ODF2L: variants seen among roughly 807,000 people sequenced by gnomAD.
The protein encoded by ODF2L is protein BCAP.
In ODF2L, 76 loss-of-function variants were observed where a neutral mutation model predicts 86.3. That is an observed-to-expected ratio of 0.88 (90% CI 0.73 to 1.07). The LOEUF (loss-of-function observed/expected upper bound fraction) is 1.07, where lower values mean the gene tolerates loss of function less well. Ranked by LOEUF, ODF2L falls within the 50% of genes least tolerant of loss-of-function variation. The pLI, the probability that ODF2L is intolerant of heterozygous loss-of-function variation, is 0.00. For synonymous variants in ODF2L, 241 were observed against 231.3 expected (o/e 1.04, Z -0.38); for missense variants, 748 against 717.4 (o/e 1.04, Z -0.49).
chr1:86,368,497 C>A, intron 11 of ODF2L: 1 of 651,990 alleles, frequency 1.5e-6, no homozygotes, highest in Non-Finnish European at 2.2e-6. Context: ...TTAAAACTAG[C>A]TCCTCAAAGA....
intron 16 of ODF2L, among the ~76,000 whole-genome samples, 186 bp from the exon 16 acceptor site, chr1:86,353,170 T>C (rs1658276852): frequency 6.6e-6 from 1 of 152,202 alleles, no homozygotes; most frequent in South Asian, 2.1e-4. Context: ...TTCGCAGCAC[T>C]AAATATCTGC....
chr1:86,394,525 T>A (rs550292744), intron 1 of ODF2L, among the ~76,000 whole-genome samples: 2 of 152,160 alleles, frequency 1.3e-5, no homozygotes, highest in African/African-American at 4.8e-5. Flanking sequence ...ATAAGTTCAA[T>A]TTAGATTCAA....
intron 8 of ODF2L, among the ~76,000 whole-genome samples, chr1:86,375,806 G>A (rs1384219989): frequency 6.6e-6 from 1 of 152,114 alleles, no homozygotes; most frequent in African/African-American, 2.4e-5. Context: ...TAAAAGACTA[G>A]CTCTGTGGTT....
chr1:86,382,844 T>A (rs1660681854), intron 6 of ODF2L, 87 bp downstream of exon 6: 2 of 725,622 alleles, frequency 2.8e-6, no homozygotes, highest in Non-Finnish European at 5.0e-6. Context: ...CTGTGTTTAT[T>A]TCTGAGGAGT....
At chr1:86,357,637 T>C (rs1658689615) in intron 13 of ODF2L, 2 of 271,368 alleles carry the variant, frequency 7.4e-6, no homozygotes, top group Non-Finnish European at 1.1e-5. Flanking sequence ...ATGTCTGTTT[T>C]AAGGACACTG....
At chr1:86,352,230 T>C in intron 17 of ODF2L, 1 of 1,489,304 alleles carries the variant, frequency 6.7e-7, no homozygotes, top group Non-Finnish European at 9.0e-7. Context: ...ACAGTATCAT[T>C]ATTCTCTATG....
At chr1:86,350,125 A>G (rs1296722709) in exon 18 of ODF2L, 1 of 264,978 alleles carries the variant, frequency 3.8e-6, no homozygotes, top group East Asian at 1.8e-4. Context: ...TTTTTATTAT[A>G]CTTTAAGTTC....
At chr1:86,378,287 C>T (rs184872541) in intron 7 of ODF2L, among the ~76,000 whole-genome samples, 480 of 152,302 alleles carry the variant, frequency 3.2e-3, no homozygotes, top group Non-Finnish European at 4.9e-3. Flanking sequence ...TCAGCCAGGA[C>T]TTCATTGTCC....
chr1:86,382,284 A>G, exon 7 of ODF2L: 1 of 1,612,096 alleles, frequency 6.2e-7, no homozygotes, highest in Non-Finnish European at 8.5e-7. Context: ...CTTCCCTTTT[A>G]TGAATTTGGA....
At chr1:86,348,640 T>C, downstream of ODF2L, 2 of 990,152 alleles carry the variant, frequency 2.0e-6, no homozygotes, top group Non-Finnish European at 2.7e-6. Flanking sequence ...CCTCTAATAC[T>C]ACCACTCATA....
chr1:86,395,756 C>A (rs111330725), intron 1 of ODF2L, among the ~76,000 whole-genome samples: 4 of 152,220 alleles, frequency 2.6e-5, no homozygotes, highest in Admixed American at 6.5e-5. Flanking sequence ...GTCAGGACTT[C>A]GTTCTGCACA....
intron 16 of ODF2L, among the ~76,000 whole-genome samples, 180 bp from the exon 16 acceptor site, chr1:86,353,164 C>T (rs1358225553): frequency 6.6e-6 from 1 of 152,152 alleles, no homozygotes; most frequent in Admixed American, 6.5e-5. Flanking sequence ...CTTATCTTCG[C>T]AGCACTAAAT....
At chr1:86,392,267 CAG>C (rs1661387401) in intron 1 of ODF2L, among the ~76,000 whole-genome samples, 1 of 152,130 alleles carries the variant, frequency 6.6e-6, no homozygotes, top group Non-Finnish European at 1.5e-5. Context: ...CTATGGAAAA[CAG>C]TGTGGAGATT....
chr1:86,367,958 C>T (rs1012267666), intron 11 of ODF2L, among the ~76,000 whole-genome samples: 16 of 152,118 alleles, frequency 1.1e-4, no homozygotes, highest in Non-Finnish European at 1.6e-4. Context: ...AACAAAGAAG[C>T]AACTTTTGTT....
At chr1:86,356,642 A>C in intron 13 of ODF2L, 40 bp from the exon 13 acceptor site, 1 of 1,559,044 alleles carries the variant, frequency 6.4e-7, no homozygotes, top group Non-Finnish European at 8.7e-7. Flanking sequence ...AAGATCACAC[A>C]TTCAGCATTA....
chr1:86,372,526 A>G, exon 9 of ODF2L: 1 of 1,511,738 alleles, frequency 6.6e-7, no homozygotes, highest in Non-Finnish European at 8.8e-7. Context: ...AAATTGTTTC[A>G]GACAACTTGG....
chr1:86,379,685 G>A (rs190719394), intron 7 of ODF2L, among the ~76,000 whole-genome samples: 5 of 152,118 alleles, frequency 3.3e-5, no homozygotes, highest in African/African-American at 1.2e-4. Context: ...TAGATTTAGG[G>A]GGCACGCCCT....
intron 10 of ODF2L, among the ~76,000 whole-genome samples, chr1:86,370,635 G>T (rs192477084): frequency 2.0e-5 from 3 of 151,960 alleles, no homozygotes; most frequent in African/African-American, 7.3e-5. Context: ...ATTACCCCTT[G>T]GATATGAGTA....
intron 1 of ODF2L, among the ~76,000 whole-genome samples, chr1:86,388,173 C>T (rs574301158): frequency 6.6e-6 from 1 of 152,052 alleles, no homozygotes; most frequent in African/African-American, 2.4e-5. Flanking sequence ...AGGATGATTC[C>T]CTTGAATGCT....
Sources: gnomAD v4.1 joint callset for allele counts (sites outside exome capture counted in the v4.1 genomes callset) on GRCh38, gnomAD v4.1.1 for gene constraint, MANE v1.5 for transcripts, NCBI Gene and HGNC (gene_info 2026-07-23, HGNC 2026-07-21) for gene names.